NARS2: variants seen among roughly 807,000 people sequenced by gnomAD.
NARS2 encodes the protein asparaginyl-tRNA synthetase 2, mitochondrial, also known as asparaginyl-tRNA synthetase.
Under a neutral mutation model 62.9 loss-of-function variants are expected in NARS2, and 60 were observed. The observed-to-expected ratio is 0.95, with a 90% CI of 0.77 to 1.18. NARS2 has a LOEUF of 1.18. Ranked by LOEUF, NARS2 falls within the 50% of genes most tolerant of loss-of-function variation. NARS2 has a pLI of 0.00. For synonymous variants in NARS2, 196 were observed against 200.0 expected (o/e 0.98, Z 0.17); for missense variants, 619 against 576.4 (o/e 1.07, Z -0.76).
rs749567818 is a variant in NARS2, at chr11:78,528,846, A to T, written c.685T>A (p.Ser229Thr). The T allele has an allele frequency of 3.7e-6, 6 of 1,602,174 alleles. No homozygotes were observed. Among genetic ancestry groups the T allele is most frequent in the Non-Finnish European group, 5.1e-6 (6 of 1,170,330 alleles). The change falls in exon 6 of 14, where the codon TCA (serine) becomes ACA (threonine). Residue 229 changes from serine to threonine, a missense_variant. Physicochemically the swap from Ser to Thr is moderately conservative, Grantham distance 58. Coordinates refer to ENST00000281038, the MANE Select transcript of NARS2 (RefSeq NM_024678.6). ...VSGQLHLEVM[S>T]GAFTQVFTFG... ...AGAGAAAGGAAAATTTCATACCCTG[A>T]CATCACTTCTAGATGAAGTTGTCCT...
In NARS2 at chr11:78,443,751, G is replaced by A. The variant is rs1857654776; in HGVS notation, c.1172C>T (p.Ala391Val). The A allele has an allele frequency of 1.2e-6, 2 of 1,609,852 alleles. No homozygotes were observed. The stretch of plus-strand genomic sequence containing the variant: ...AACTCCAGGAACCAGAAGATCAACA[G>A]CAGCAACCTAAGGAAAAAAAAAAAA... ...NEDGPQHTVA[A>V]VDLLVPGVGE... Residue 391 changes from alanine to valine, a missense_variant, in exon 12 of 14, where the codon GCT becomes GTT. Physicochemically the swap from Ala to Val is moderately conservative, Grantham distance 64. Transcript: ENST00000281038.
chr11:78,508,414 C>A (rs1277043304), intron 6 of NARS2, among the ~76,000 whole-genome samples: 1 of 151,798 alleles, frequency 6.6e-6, no homozygotes, highest in Admixed American at 6.6e-5. Context: ...CATGGTGAAA[C>A]CCCGTCTCTA....
intron 6 of NARS2, among the ~76,000 whole-genome samples, chr11:78,519,378 C>T (rs968895468): frequency 6.6e-6 from 1 of 151,960 alleles, no homozygotes; most frequent in Non-Finnish European, 1.5e-5. Context: ...AAGTTTTTTC[C>T]TGATTATAAA....
intron 5 of NARS2, among the ~76,000 whole-genome samples, chr11:78,541,407 C>T (rs1590836810): frequency 1.3e-5 from 2 of 151,748 alleles, no homozygotes; most frequent in Non-Finnish European, 2.9e-5. Flanking sequence ...TCAAGTGATC[C>T]TCTCACCTCT....
At chr11:78,499,451 C>G (rs2135350421) in intron 6 of NARS2, among the ~76,000 whole-genome samples, 1 of 152,170 alleles carries the variant, frequency 6.6e-6, no homozygotes, top group Non-Finnish European at 1.5e-5. Flanking sequence ...ATATTTGAAA[C>G]AGCAGTGGGA....
In NARS2 at chr11:78,436,121, T is replaced by C. The variant is rs1486562338; in HGVS notation, c.*549A>G. 1 of 152,240 alleles carries C rather than the reference T, an allele frequency of 6.6e-6. No individual in the cohort carries two copies. Among genetic ancestry groups the C allele is most frequent in the Non-Finnish European group, 1.5e-5 (1 of 68,086 alleles). 9.4% of individuals were successfully genotyped at this position (152,240 alleles called of 1,614,324 possible). On this transcript the variant is annotated 3_prime_UTR_variant, in exon 14 of 14. Coordinates refer to ENST00000281038, the MANE Select transcript of NARS2 (RefSeq NM_024678.6). ...ACAGTTATTAAACATGATTTTTTCATCCAGTTCAATGAAAGGAGATTTCAA... is the reference window on the plus strand; with the variant it reads ...ACAGTTATTAAACATGATTTTTTCACCCAGTTCAATGAAAGGAGATTTCAA...
In NARS2 at chr11:78,493,993, G is replaced by T. The variant is rs188645191; in HGVS notation, c.690-798C>A. The stretch of plus-strand genomic sequence containing the variant: ...GAAAAAAGAACGTCAGATACATATT[G>T]CAGTTCACCTTGTTCAAAGCCCACT... On this transcript the variant is annotated intron_variant, in intron 6 of 13. Coordinates refer to ENST00000281038, the MANE Select transcript of NARS2 (RefSeq NM_024678.6). Among the ~76,000 whole-genome samples, 9 of 152,260 alleles carry T rather than the reference G, an allele frequency of 5.9e-5. No homozygotes were observed. In the East Asian group the frequency reaches 1.5e-3, roughly 26 times the overall value.
chr11:78,468,273 A>G (rs888982748), intron 10 of NARS2, among the ~76,000 whole-genome samples: 1 of 148,926 alleles, frequency 6.7e-6, no homozygotes. Context: ...GTAAAGTTCA[A>G]CTGAAAAACA....
chr11:78,547,048 T>C (rs1047944465), intron 5 of NARS2, among the ~76,000 whole-genome samples: 1 of 152,246 alleles, frequency 6.6e-6, no homozygotes, highest in African/African-American at 2.4e-5. Context: ...ATACATTTCG[T>C]GGCTGGGTAT....
At chr11:78,498,998 G>A (rs1259379714) in intron 6 of NARS2, among the ~76,000 whole-genome samples, 1 of 128,858 alleles carries the variant, frequency 7.8e-6, no homozygotes, top group East Asian at 2.6e-4. Flanking sequence ...CTCACTGCAA[G>A]CTCCACTACC....
intron 6 of NARS2, among the ~76,000 whole-genome samples, chr11:78,497,524 T>G (rs918202786): frequency 3.9e-5 from 6 of 152,228 alleles, no homozygotes; most frequent in Admixed American, 1.3e-4. Flanking sequence ...ACTTCTTTAC[T>G]GTTAGTTTAG....
chr11:78,555,569 G>C (rs1187947235), intron 5 of NARS2, among the ~76,000 whole-genome samples: 1 of 151,964 alleles, frequency 6.6e-6, no homozygotes, highest in African/African-American at 2.4e-5. Flanking sequence ...GTGTTTATTT[G>C]ATCTTCTCTC....
chr11:78,521,281 T>C (rs1317698286), intron 6 of NARS2, among the ~76,000 whole-genome samples: 1 of 151,828 alleles, frequency 6.6e-6, no homozygotes, highest in African/African-American at 2.4e-5. Context: ...CTTCTTGCCT[T>C]ACTCTCCCAA....
intron 6 of NARS2, among the ~76,000 whole-genome samples, chr11:78,508,768 A>G (rs1054490585): frequency 3.3e-5 from 5 of 152,144 alleles, no homozygotes; most frequent in Non-Finnish European, 5.9e-5. Flanking sequence ...TTGCAAGCCA[A>G]ACACAAAGAA....
intron 5 of NARS2, among the ~76,000 whole-genome samples, chr11:78,543,508 T>C (rs4945293): frequency 0.65 from 98,195 of 152,036 alleles, 35,076 homozygotes; most frequent in Non-Finnish European, 0.81. Flanking sequence ...TGAAAGTTCA[T>C]GTTTTTTAAA....
rs1350492953 is a variant in NARS2, at chr11:78,560,083, C to A, written c.514-464G>T. Among the ~76,000 whole-genome samples, 9 of 151,844 alleles carry A rather than the reference C, an allele frequency of 5.9e-5. No homozygotes were observed. In the East Asian group the frequency reaches 1.3e-3, roughly 23 times the overall value. ...CGTTGCTAGAGGAATACAAAGCGAT[C>A]AGTATAAACTTATCTTGAAATATGA... On this transcript the variant is annotated intron_variant, in intron 4 of 13. Transcript: ENST00000281038.
chr11:78,530,041 T>C (rs1012459184), intron 5 of NARS2, among the ~76,000 whole-genome samples: 1 of 152,200 alleles, frequency 6.6e-6, no homozygotes, highest in Non-Finnish European at 1.5e-5. Flanking sequence ...TATCGGTATC[T>C]GTGGATAAAT....
intron 5 of NARS2, 141 bp downstream of exon 5, chr11:78,559,398 G>T (rs1183518593): frequency 1.1e-5 from 6 of 532,434 alleles, no homozygotes; most frequent in African/African-American, 1.9e-5. Flanking sequence ...AATTGTCTAT[G>T]TAAGTTTTTC....
At chr11:78,568,933 G>A (rs1043460885) in intron 2 of NARS2, among the ~76,000 whole-genome samples, 181 bp from the exon 3 acceptor site, 1 of 152,140 alleles carries the variant, frequency 6.6e-6, no homozygotes, top group Non-Finnish European at 1.5e-5. Context: ...GTTATAAAAT[G>A]AATTCCATAA....
Sources: allele counts gnomAD v4.1 joint callset (sites outside exome capture counted in the v4.1 genomes callset), GRCh38; gene constraint gnomAD v4.1.1; transcripts MANE v1.5; gene names NCBI Gene and HGNC (gene_info 2026-07-23, HGNC 2026-07-21).